B3GALT1: variants seen among roughly 807,000 people sequenced by gnomAD.
B3GALT1 encodes the protein beta-1,3-galactosyltransferase 1.
In B3GALT1, 10 loss-of-function variants were observed where a neutral mutation model predicts 23.2. That is an observed-to-expected ratio of 0.43 (90% CI 0.27 to 0.73). B3GALT1 has a LOEUF of 0.73. Ranked by LOEUF, B3GALT1 falls within the 30% of genes least tolerant of loss-of-function variation. The pLI is 0.21. For missense variants in B3GALT1, 299 were observed against 405.4 expected, an observed-to-expected ratio of 0.74 and a Z score of 2.25; for synonymous variants, 156 against 141.5, an observed-to-expected ratio of 1.10 and a Z score of -0.73.
At chr2:167,409,822 C>T (rs943009852) in intron 1 of B3GALT1, among the ~76,000 whole-genome samples, 5 of 151,800 alleles carry the variant, frequency 3.3e-5, no homozygotes, top group African/African-American at 1.2e-4. Flanking sequence ...CTTCTACACT[C>T]TTGGTGGGAG....
At chr2:167,833,338 C>G (rs1457480419) in intron 4 of B3GALT1, among the ~76,000 whole-genome samples, 1 of 152,150 alleles carries the variant, frequency 6.6e-6, no homozygotes, top group African/African-American at 2.4e-5. Context: ...ATGGCAGTAT[C>G]TCCTGCAGAG....
chr2:167,555,929 C>G (rs1377554129), intron 2 of B3GALT1, among the ~76,000 whole-genome samples: 1 of 152,096 alleles, frequency 6.6e-6, no homozygotes, highest in Non-Finnish European at 1.5e-5. Flanking sequence ...TAATGAAACA[C>G]CAGAGGCTCT....
intron 1 of B3GALT1, among the ~76,000 whole-genome samples, chr2:167,411,973 G>C (rs954883974): frequency 2.0e-5 from 3 of 152,152 alleles, no homozygotes; most frequent in Non-Finnish European, 4.4e-5. Context: ...AATATTGCAT[G>C]TTCTCACTCG....
chr2:167,583,029 T>C (rs1048270225), intron 2 of B3GALT1, among the ~76,000 whole-genome samples: 3 of 152,184 alleles, frequency 2.0e-5, no homozygotes, highest in Non-Finnish European at 2.9e-5. Context: ...AGCTCCCTGT[T>C]AGTAAGCATC....
intron 2 of B3GALT1, among the ~76,000 whole-genome samples, chr2:167,628,652 A>G (rs1192944463): frequency 6.6e-6 from 1 of 151,738 alleles, no homozygotes; most frequent in South Asian, 2.1e-4. Flanking sequence ...ACTTCACTCA[A>G]ATTCTCTTGT....
chr2:167,803,085 C>CACAT (rs1553489033), intron 3 of B3GALT1, among the ~76,000 whole-genome samples: 1 of 108,420 alleles, frequency 9.2e-6, no homozygotes, highest in African/African-American at 3.0e-5. Context: ...CTAACAAACA[C>CACAT]ACACACACAC....
At position 167,869,058 on chromosome 2, in the gene B3GALT1, T is replaced by G; in HGVS notation, c.19T>G (p.Cys7Gly). 1 of 1,609,036 alleles carries G rather than the reference T, an allele frequency of 6.2e-7. No individual in the cohort carries two copies. Among genetic ancestry groups the G allele is most frequent in the Non-Finnish European group, 8.5e-7 (1 of 1,177,194 alleles). ...CAAGACAATGGCTTCAAAGGTCTCC[T>G]GTTTGTATGTTTTGACAGTTGTGTG... MASKVS[C>G]LYVLTVVCWA... The change falls in exon 5 of 5, where the codon TGT becomes GGT. Residue 7 changes from cysteine to glycine, a missense_variant. By Grantham distance (159) the Cys-to-Gly change is radical. Around this residue, in one of 3 missense-constraint regions of B3GALT1, gnomAD observed 162 missense variants for 184.1 expected, o/e 0.88. Coordinates refer to ENST00000392690, the MANE Select transcript of B3GALT1 (RefSeq NM_020981.4). The surrounding 1 kb of genome is among the most constrained non-coding windows in gnomAD (Gnocchi z 6.4).
At chr2:167,366,937 C>G (rs986384051) in intron 1 of B3GALT1, among the ~76,000 whole-genome samples, 1 of 152,184 alleles carries the variant, frequency 6.6e-6, no homozygotes, top group Non-Finnish European at 1.5e-5. Flanking sequence ...GCCAGGCCTT[C>G]TGAAGTCTGA....
chr2:167,863,998 G>T (rs1574307965), intron 4 of B3GALT1, among the ~76,000 whole-genome samples: 1 of 119,396 alleles, frequency 8.4e-6, no homozygotes, highest in African/African-American at 2.7e-5. Context: ...GTATGTGTGT[G>T]TGTGTGTGTG....
chr2:167,625,603 G>T (rs748157677), intron 2 of B3GALT1, among the ~76,000 whole-genome samples: 1 of 151,580 alleles, frequency 6.6e-6, no homozygotes, highest in Non-Finnish European at 1.5e-5. Context: ...GGGAAAATCC[G>T]CTAATATCCA....
At chr2:167,512,586 ATATATG>A (rs1429226080) in intron 2 of B3GALT1, among the ~76,000 whole-genome samples, 7 of 90,252 alleles carry the variant, frequency 7.8e-5, no homozygotes, top group African/African-American at 3.3e-4. Context: ...ATATGTATAT[ATATATG>A]TGTATATATA....
At chr2:167,787,765 G>A (rs1010018549) in intron 3 of B3GALT1, among the ~76,000 whole-genome samples, 23 of 152,184 alleles carry the variant, frequency 1.5e-4, no homozygotes, top group African/African-American at 2.4e-5. Flanking sequence ...TCCCTTGAGG[G>A]TGGAGCAGCC....
In B3GALT1 at chr2:167,365,092, G is replaced by C. The variant is rs184172145; in HGVS notation, c.-511+71758G>C. Among the ~76,000 whole-genome samples, 3 of 152,228 alleles carry C rather than the reference G, an allele frequency of 2.0e-5. No homozygotes were observed. In the East Asian group the frequency reaches 5.8e-4, roughly 29 times the overall value. ...TTGCGTTTTCTGATTTGTGATATTA[G>C]GTCACCAGCAGACTCCAGAACAGTT... On this transcript the variant is annotated intron_variant, in intron 1 of 4. Coordinates refer to ENST00000392690, the MANE Select transcript of B3GALT1 (RefSeq NM_020981.4).
intron 3 of B3GALT1, among the ~76,000 whole-genome samples, chr2:167,679,394 C>G (rs1686489496): frequency 6.6e-6 from 1 of 152,112 alleles, no homozygotes; most frequent in East Asian, 1.9e-4. Flanking sequence ...GCTGGGATTA[C>G]AGGCATGTGC....
chr2:167,312,902 A>G (rs1696654707), intron 1 of B3GALT1, among the ~76,000 whole-genome samples: 1 of 152,130 alleles, frequency 6.6e-6, no homozygotes, highest in Admixed American at 6.6e-5. Flanking sequence ...CTGATAAAAC[A>G]TAAGATTCAA....
intron 3 of B3GALT1, among the ~76,000 whole-genome samples, chr2:167,781,347 C>T (rs971876062): frequency 3.3e-5 from 5 of 152,176 alleles, no homozygotes; most frequent in South Asian, 4.2e-4. Context: ...GAAAATATGG[C>T]GACATCCTCT....
intron 2 of B3GALT1, among the ~76,000 whole-genome samples, chr2:167,563,005 C>T (rs560225221): frequency 6.6e-6 from 1 of 152,142 alleles, no homozygotes; most frequent in Non-Finnish European, 1.5e-5. Flanking sequence ...GCAGAAGAAC[C>T]TCTCTCAGTA....
At position 167,594,594 on chromosome 2, in the gene B3GALT1, G is replaced by A. The variant is rs147147493; in HGVS notation, c.-409-52315G>A. Among the ~76,000 whole-genome samples, 288 of 152,164 alleles carry A rather than the reference G, an allele frequency of 1.9e-3. 2 individuals carry two copies. In the East Asian group the frequency reaches 0.035, roughly 19 times the overall value. On this transcript the variant is annotated intron_variant, in intron 2 of 4. Coordinates refer to ENST00000392690, the MANE Select transcript of B3GALT1 (RefSeq NM_020981.4). Reference sequence around the variant, plus strand: ...CCACTTAATCACTTTTGGCATTACAGCCTTGAATTACAAATGTGTATAAAA... The same window carrying A: ...CCACTTAATCACTTTTGGCATTACAACCTTGAATTACAAATGTGTATAAAA...
chr2:167,778,788 C>T (rs540605337), intron 3 of B3GALT1, among the ~76,000 whole-genome samples: 98 of 152,312 alleles, frequency 6.4e-4, no homozygotes, highest in Non-Finnish European at 1.1e-3. Flanking sequence ...AATCCTTTGA[C>T]ATGAAATCCT....
Sources: gnomAD v4.1 joint callset for allele counts (sites outside exome capture counted in the v4.1 genomes callset) on GRCh38, gnomAD v4.1.1 for gene constraint, gnomAD v4.1.1 regional missense constraint, Gnocchi (gnomAD v3.1) non-coding constraint, MANE v1.5 for transcripts, NCBI Gene and HGNC (gene_info 2026-07-23, HGNC 2026-07-21) for gene names.